Variants in KHDRBS3 observed in about 807,000 individuals in gnomAD.
The protein encoded by KHDRBS3 is KH domain-containing, RNA-binding, signal transduction-associated protein 3.
A neutral mutation model predicts 45.6 loss-of-function variants in KHDRBS3; 23 were observed. The observed-to-expected ratio is 0.50, with a 90% confidence interval of 0.36 to 0.72. The LOEUF (loss-of-function observed/expected upper bound fraction) is 0.72, where lower values mean the gene tolerates loss of function less well. Ranked by LOEUF, KHDRBS3 falls within the 30% of genes least tolerant of loss-of-function variation. The pLI is 0.00. For missense variants in KHDRBS3, 352 were observed against 424.8 expected (o/e 0.83, Z 1.51); for synonymous variants, 162 against 156.5 (o/e 1.04, Z -0.26).
chr8:135,504,538 G>A (rs1487774984), intron 1 of KHDRBS3, among the ~76,000 whole-genome samples: 2 of 152,158 alleles, frequency 1.3e-5, no homozygotes, highest in Non-Finnish European at 2.9e-5. Context: ...CTGCCTTCTG[G>A]TATTCACAAC....
chr8:135,504,703 A>G (rs1450370274), intron 1 of KHDRBS3, among the ~76,000 whole-genome samples: 1 of 152,190 alleles, frequency 6.6e-6, no homozygotes, highest in Non-Finnish European at 1.5e-5. Context: ...TCTCAAGGTA[A>G]ACATCACCTG....
intron 6 of KHDRBS3, among the ~76,000 whole-genome samples, chr8:135,591,965 G>A (rs941922849): frequency 1.3e-5 from 2 of 152,196 alleles, no homozygotes; most frequent in African/African-American, 4.8e-5. Context: ...AGTACAGATT[G>A]TGAAAAGGTT....
rs1554615383 is a variant in KHDRBS3, at chr8:135,485,842, T to TTATATATATATATG, written c.88+27901_88+27902insGTATATATATATAT. Among the ~76,000 whole-genome samples, 35 of 120,324 alleles carry TTATATATATATATG rather than the reference T, an allele frequency of 2.9e-4. 1 individual carries two copies. Among genetic ancestry groups the TTATATATATATATG allele is most frequent in the African/African-American group, 1.3e-3 (35 of 26,924 alleles). The allele number at this position is 120,324 out of a possible 152,430, so 78.9% of individuals were successfully genotyped here. A position where few individuals can be genotyped will look rare whatever the true frequency, so the allele number is the denominator to read the frequency against. ...TGCAGGATTGATTGGCATTTCAAGT[T>TTATATATATATATG]TATATATATATATATATATATATAT... On this transcript the variant is annotated intron_variant, in intron 1 of 8. Transcript: ENST00000355849.
intron 7 of KHDRBS3, 102 bp from the exon 8 acceptor site, chr8:135,644,957 G>T: frequency 8.3e-7 from 1 of 1,199,288 alleles, no homozygotes; most frequent in African/African-American, 1.5e-5. Flanking sequence ...TTTCAGTCTT[G>T]CCCTTCATTA....
At chr8:135,557,887 T>C (rs1399961619) in intron 5 of KHDRBS3, among the ~76,000 whole-genome samples, 1 of 152,180 alleles carries the variant, frequency 6.6e-6, no homozygotes, top group Non-Finnish European at 1.5e-5. Flanking sequence ...TGATGTCATA[T>C]TAAGGGGATT....
At chr8:135,622,514 C>G (rs896105212) in intron 7 of KHDRBS3, among the ~76,000 whole-genome samples, 1 of 152,118 alleles carries the variant, frequency 6.6e-6, no homozygotes, top group Non-Finnish European at 1.5e-5. Flanking sequence ...CATAAAAAAT[C>G]AAAAGGTATA....
intron 3 of KHDRBS3, among the ~76,000 whole-genome samples, chr8:135,546,505 A>G (rs747770382): frequency 2.6e-5 from 4 of 152,202 alleles, no homozygotes; most frequent in Non-Finnish European, 5.9e-5. Flanking sequence ...GCTTGTGCCA[A>G]ACTTCATGCT....
At position 135,457,884 on chromosome 8, in the gene KHDRBS3, G is replaced by T; in HGVS notation, c.18G>T (p.Leu6=). 6.3e-7 allele frequency: 1 copy of T among 1,597,542 alleles called. No homozygotes were observed. The change falls in exon 1 of 9, where the codon CTG becomes CTT. Residue 6 remains leucine, a synonymous_variant. Coordinates refer to ENST00000355849, the MANE Select transcript of KHDRBS3 (RefSeq NM_006558.3). The surrounding 1 kb of genome is among the most constrained non-coding windows in gnomAD (Gnocchi z 4.4). MEEKY[L]PELMAEKDSL... The stretch of plus-strand genomic sequence containing the variant: ...CGGCGAGCATGGAGGAGAAGTACCT[G>T]CCCGAGCTGATGGCGGAGAAGGACT...
intron 6 of KHDRBS3, among the ~76,000 whole-genome samples, chr8:135,593,730 G>A (rs11166604): frequency 0.26 from 39,050 of 152,008 alleles, 5,361 homozygotes; most frequent in East Asian, 0.53. Flanking sequence ...CTCCTGCCTC[G>A]GCTTCCACAA....
chr8:135,494,336 T>C (rs1823317641), intron 1 of KHDRBS3, among the ~76,000 whole-genome samples: 1 of 134,940 alleles, frequency 7.4e-6, no homozygotes. Flanking sequence ...TGGAGTGCAG[T>C]GGCGTGATCT....
chr8:135,642,166 C>T (rs1427963581), intron 7 of KHDRBS3, among the ~76,000 whole-genome samples: 1 of 152,178 alleles, frequency 6.6e-6, no homozygotes, highest in Non-Finnish European at 1.5e-5. Flanking sequence ...TCTGGAAGAG[C>T]AAAGGCCATG....
At chr8:135,627,242 CCTTCA>C (rs1277307381) in intron 7 of KHDRBS3, among the ~76,000 whole-genome samples, 5 of 152,194 alleles carry the variant, frequency 3.3e-5, no homozygotes, top group Non-Finnish European at 7.3e-5. Context: ...CTTCCGCACT[CCTTCA>C]CCCTGGCTTC....
chr8:135,549,049 T>C (rs2130799060), intron 4 of KHDRBS3, 149 bp downstream of exon 4: 1 of 442,586 alleles, frequency 2.3e-6, no homozygotes, highest in Non-Finnish European at 3.9e-6. Flanking sequence ...TACATTGTCC[T>C]TGTAAATTAC....
At chr8:135,474,489 A>G (rs1393682850) in intron 1 of KHDRBS3, among the ~76,000 whole-genome samples, 1 of 152,202 alleles carries the variant, frequency 6.6e-6, no homozygotes, top group Non-Finnish European at 1.5e-5. Context: ...GCTATGCGTT[A>G]TCTCTTATTT....
intron 1 of KHDRBS3, among the ~76,000 whole-genome samples, chr8:135,475,168 C>T (rs1822209237): frequency 6.6e-6 from 1 of 152,160 alleles, no homozygotes; most frequent in Admixed American, 6.5e-5. Flanking sequence ...GCCCTAATTC[C>T]CCTTTGACAT....
chr8:135,464,494 G>A (rs1406022118), intron 1 of KHDRBS3, among the ~76,000 whole-genome samples: 5 of 152,224 alleles, frequency 3.3e-5, no homozygotes, highest in Admixed American at 3.3e-4. Flanking sequence ...AAAAACAGTC[G>A]AGAGTATGAT....
At chr8:135,565,824 T>G (rs1378457106) in intron 5 of KHDRBS3, among the ~76,000 whole-genome samples, 1 of 152,212 alleles carries the variant, frequency 6.6e-6, no homozygotes, top group East Asian at 1.9e-4. Context: ...CCTGTCCTCA[T>G]TGGAAACACC....
At chr8:135,607,905 C>A (rs116566018) in intron 7 of KHDRBS3, among the ~76,000 whole-genome samples, 69 of 152,184 alleles carry the variant, frequency 4.5e-4, no homozygotes, top group African/African-American at 1.6e-3. Flanking sequence ...ATAAAAAAAA[C>A]TCTTTGTTTT....
chr8:135,519,870 G>GAA (rs1824818552), intron 1 of KHDRBS3, among the ~76,000 whole-genome samples: 4 of 152,214 alleles, frequency 2.6e-5, no homozygotes, highest in Non-Finnish European at 5.9e-5. Context: ...GAAGCCCATT[G>GAA]GCTGTTTCAG....
Sources: gnomAD v4.1 joint callset for allele counts (sites outside exome capture counted in the v4.1 genomes callset) on GRCh38, gnomAD v4.1.1 for gene constraint, Gnocchi (gnomAD v3.1) non-coding constraint, MANE v1.5 for transcripts, NCBI Gene and HGNC (gene_info 2026-07-23, HGNC 2026-07-21) for gene names.